PRR16: variants seen among roughly 807,000 people sequenced by gnomAD.
PRR16 encodes the protein proline rich 16, also known as protein Largen.
A neutral mutation model predicts 18.2 loss-of-function variants in PRR16; 6 were observed. The observed-to-expected ratio is 0.33, with a 90% CI of 0.18 to 0.65. PRR16 has a LOEUF of 0.65. Ranked by LOEUF, PRR16 falls within the 30% of genes least tolerant of loss-of-function variation. The pLI is 0.74. For missense variants in PRR16, 412 were observed against 376.6 expected (o/e 1.09, Z -0.78); for synonymous variants, 151 against 147.8 (o/e 1.02, Z -0.16).
the PRR16 span, among the ~76,000 whole-genome samples, chr5:120,761,244 G>A: frequency 6.6e-6 from 1 of 151,878 alleles, no homozygotes; most frequent in Non-Finnish European, 1.5e-5. Flanking sequence ...TTTATTTTTT[G>A]AGGAAACTGG....
At chr5:120,783,972 T>C in the PRR16 span, among the ~76,000 whole-genome samples, 1 of 152,206 alleles carries the variant, frequency 6.6e-6, no homozygotes, top group African/African-American at 2.4e-5. Flanking sequence ...GTATTTGTCT[T>C]GCTGTGGCTG....
the PRR16 span, among the ~76,000 whole-genome samples, chr5:120,730,282 T>A: frequency 6.6e-6 from 1 of 152,098 alleles, no homozygotes; most frequent in African/African-American, 2.4e-5. Flanking sequence ...AGCAAAAGAA[T>A]TAATCATGAT....
intron 1 of PRR16, among the ~76,000 whole-genome samples, chr5:120,676,961 G>C (rs1041814290): frequency 6.6e-6 from 1 of 152,140 alleles, no homozygotes; most frequent in Non-Finnish European, 1.5e-5. Context: ...CCAAAGAGAA[G>C]TTAACCAAAC....
At chr5:120,719,645 A>G in the PRR16 span, among the ~76,000 whole-genome samples, 171 of 152,218 alleles carry the variant, frequency 1.1e-3, 2 homozygotes, top group East Asian at 0.027. Flanking sequence ...TGAAATGCAT[A>G]TGTCCAATTC....
chr5:120,589,924 G>T (rs1461608983), intron 1 of PRR16, among the ~76,000 whole-genome samples: 1 of 152,054 alleles, frequency 6.6e-6, no homozygotes, highest in Admixed American at 6.6e-5. Flanking sequence ...GAATTTGCTT[G>T]CCAAGAAGAT....
chr5:120,735,156 C>G, the PRR16 span, among the ~76,000 whole-genome samples: 21 of 152,188 alleles, frequency 1.4e-4, no homozygotes, highest in Non-Finnish European at 2.1e-4. Context: ...AAGAGGTCCT[C>G]AAAGTTCATT....
At position 120,467,259 on chromosome 5, in the gene PRR16, C is replaced by A. The variant is rs78248900; in HGVS notation, c.159+2614C>A. Among the ~76,000 whole-genome samples, 14 of 152,134 alleles carry A rather than the reference C, an allele frequency of 9.2e-5. No homozygotes were observed. In the East Asian group the frequency reaches 1.9e-3, roughly 21 times the overall value. On this transcript the variant is annotated intron_variant, in intron 1 of 1. Transcript: ENST00000407149. ...ACTGCTATATTTAGAATTCTAATTC[C>A]TTTATTGGCAATGCTATGCTTTTAG...
At chr5:120,726,616 C>G in the PRR16 span, among the ~76,000 whole-genome samples, 19 of 151,944 alleles carry the variant, frequency 1.3e-4, no homozygotes, top group Non-Finnish European at 2.8e-4. Context: ...TGTTTAATAG[C>G]TCATGGTTTA....
chr5:120,475,832 A>G (rs960166753), intron 1 of PRR16, among the ~76,000 whole-genome samples: 7 of 152,206 alleles, frequency 4.6e-5, no homozygotes, highest in African/African-American at 1.7e-4. Context: ...TCAGCAAAAC[A>G]TATGTAGCCC....
chr5:120,744,284 A>G, the PRR16 span, among the ~76,000 whole-genome samples: 1 of 152,170 alleles, frequency 6.6e-6, no homozygotes, highest in African/African-American at 2.4e-5. Context: ...GTAGTAAGGC[A>G]TGGGGTGGAG....
intron 1 of PRR16, among the ~76,000 whole-genome samples, chr5:120,666,458 C>T (rs1341841282): frequency 6.6e-6 from 1 of 151,092 alleles, no homozygotes; most frequent in Non-Finnish European, 1.5e-5. Context: ...ATTTCCTTCT[C>T]CTGCCTAATT....
chr5:120,492,209 T>C (rs1465391670), intron 1 of PRR16, among the ~76,000 whole-genome samples: 1 of 151,440 alleles, frequency 6.6e-6, no homozygotes, highest in Non-Finnish European at 1.5e-5. Context: ...CTCAGCCTTC[T>C]AAGTAGCTGA....
chr5:120,558,397 T>G (rs1752480556), intron 1 of PRR16, among the ~76,000 whole-genome samples: 2 of 151,850 alleles, frequency 1.3e-5, no homozygotes, highest in African/African-American at 4.8e-5. Context: ...TTAGAACATG[T>G]GAATTTGTTT....
chr5:120,700,376 G>A, the PRR16 span, among the ~76,000 whole-genome samples: 5 of 152,018 alleles, frequency 3.3e-5, no homozygotes, highest in South Asian at 2.1e-4. Context: ...TTAATGAGAT[G>A]GTGAGGGGTG....
intron 1 of PRR16, among the ~76,000 whole-genome samples, chr5:120,549,987 A>G (rs2112697749): frequency 6.6e-6 from 1 of 152,162 alleles, no homozygotes; most frequent in East Asian, 1.9e-4. Flanking sequence ...TGGCCTACTC[A>G]GGAAAATCAG....
At chr5:120,505,877 T>G (rs1750626390) in intron 1 of PRR16, among the ~76,000 whole-genome samples, 1 of 151,468 alleles carries the variant, frequency 6.6e-6, no homozygotes, top group Non-Finnish European at 1.5e-5. Context: ...CGCGTATACA[T>G]ATGTGTATGA....
At chr5:120,637,802 T>C (rs559375208) in intron 1 of PRR16, among the ~76,000 whole-genome samples, 20 of 152,186 alleles carry the variant, frequency 1.3e-4, no homozygotes, top group African/African-American at 4.8e-4. Flanking sequence ...GCCACCACAC[T>C]CCAGCCTGGG....
chr5:120,701,204 G>T, the PRR16 span, among the ~76,000 whole-genome samples: 1 of 152,152 alleles, frequency 6.6e-6, no homozygotes, highest in African/African-American at 2.4e-5. Context: ...ACACCTTGAA[G>T]GCGAGGTTAA....
chr5:120,708,563 T>G, the PRR16 span, among the ~76,000 whole-genome samples: 1 of 152,292 alleles, frequency 6.6e-6, no homozygotes, highest in South Asian at 2.1e-4. Context: ...GCTAAAAATT[T>G]TATTAATGTT....
Sources: gnomAD v4.1 joint callset for allele counts (sites outside exome capture counted in the v4.1 genomes callset) on GRCh38, gnomAD v4.1.1 for gene constraint, MANE v1.5 for transcripts, NCBI Gene and HGNC (gene_info 2026-07-23, HGNC 2026-07-21) for gene names.